Variants in ADGRL2 observed in about 807,000 individuals in gnomAD.
The protein encoded by ADGRL2 is calcium-independent alpha-latrotoxin receptor 2.
In ADGRL2, 44 loss-of-function variants were observed where a neutral mutation model predicts 157.4. The observed-to-expected ratio is 0.28, with a 90% CI of 0.22 to 0.36. ADGRL2 has a LOEUF of 0.36. Ranked by LOEUF, ADGRL2 falls within the 10% of genes least tolerant of loss-of-function variation. The pLI is 1.00. For missense variants in ADGRL2, 1,510 were observed against 1,768.9 expected, an observed-to-expected ratio of 0.85 and a Z score of 2.63; for synonymous variants, 585 against 624.7, an observed-to-expected ratio of 0.94 and a Z score of 0.95.
chr1:81,721,832 G>A, intron 1 of ADGRL2: 1 of 937,884 alleles, frequency 1.1e-6, no homozygotes, highest in Admixed American at 1.7e-5. Context: ...TACTCAGAAA[G>A]CTAAATCTGA....
Position 81,397,313 on chromosome 1 carries a change from C to CTTTTTTTTT in ADGRL2, c.-301-47706_-301-47698dup, listed in dbSNP as rs59449077. 7.8e-4 allele frequency among the ~76,000 whole-genome samples: 42 copies of CTTTTTTTTT among 53,644 alleles called. 2 individuals carry two copies. The highest frequency in any genetic ancestry group is 6.5e-3 in the East Asian group (10 of 1,542). 35.2% of individuals were successfully genotyped at this position (53,644 alleles called of 152,430 possible). A position where few individuals can be genotyped will look rare whatever the true frequency, so the allele number is the denominator to read the frequency against. ...TCTGTGGTATTAGTTATAATGTCTC[C>CTTTTTTTTT]TTTTTTTTTTTTTTTTTTTTTTTTT... is the stretch of plus-strand genomic sequence containing the variant. On this transcript the variant is annotated intron_variant, in intron 1 of 24. Coordinates refer to the ADGRL2 transcript ENST00000370721.
chr1:81,497,329 A>G (rs1557735519), intron 2 of ADGRL2, among the ~76,000 whole-genome samples: 1 of 152,188 alleles, frequency 6.6e-6, no homozygotes. Context: ...TATATTTAAG[A>G]AACTTTTCAA....
chr1:81,662,115 A>G (rs2082663725), intron 3 of ADGRL2, among the ~76,000 whole-genome samples: 1 of 152,144 alleles, frequency 6.6e-6, no homozygotes, highest in Non-Finnish European at 1.5e-5. Context: ...AGAATGGGGT[A>G]TCCATCCCCT....
chr1:81,868,592 A>T lies in ADGRL2; in HGVS notation c.73+31535A>T, dbSNP rs187603139. On this transcript the variant is annotated intron_variant, in intron 2 of 23. Coordinates refer to ENST00000686636, the MANE Select transcript of ADGRL2 (RefSeq NM_001366006.2). ...TACATCTATAGTTTCTTTGCCTAGG[A>T]TCGTTGTCTCCTCCTCTTCTTATGA... Among the ~76,000 whole-genome samples the T allele has an allele frequency of 1.2e-4, 19 of 152,148 alleles. 1 individual carries two copies. Among genetic ancestry groups the T allele is most frequent in the Admixed American group, 1.0e-3 (16 of 15,266 alleles).
chr1:81,494,117 T>G (rs940168053), intron 2 of ADGRL2, among the ~76,000 whole-genome samples: 3 of 152,184 alleles, frequency 2.0e-5, no homozygotes, highest in African/African-American at 7.2e-5. Flanking sequence ...GCACCAAGTT[T>G]TGCAAACTCT....
At chr1:81,839,376 T>C (rs2092441515) in intron 2 of ADGRL2, among the ~76,000 whole-genome samples, 1 of 152,048 alleles carries the variant, frequency 6.6e-6, no homozygotes, top group Admixed American at 6.6e-5. Context: ...GTTCTTTTTT[T>C]GTTTATTTTA....
At chr1:81,569,704 G>A (rs1402383904) in intron 2 of ADGRL2, among the ~76,000 whole-genome samples, 1 of 152,160 alleles carries the variant, frequency 6.6e-6, no homozygotes, top group Non-Finnish European at 1.5e-5. Flanking sequence ...CAACTACTGG[G>A]GAGGCAGAGG....
At chr1:81,846,916 T>G (rs937236399) in intron 2 of ADGRL2, among the ~76,000 whole-genome samples, 1 of 151,882 alleles carries the variant, frequency 6.6e-6, no homozygotes, top group Admixed American at 6.6e-5. Context: ...TTTAAAAAGT[T>G]GGTAAGTAAA....
intron 1 of ADGRL2, among the ~76,000 whole-genome samples, chr1:81,738,252 C>T (rs2084965940): frequency 6.6e-6 from 1 of 152,104 alleles, no homozygotes; most frequent in Admixed American, 6.5e-5. Context: ...TCTTGGGGTC[C>T]TAATTCTCAT....
chr1:81,827,011 A>G (rs899841399), intron 1 of ADGRL2, among the ~76,000 whole-genome samples: 1 of 147,984 alleles, frequency 6.8e-6, no homozygotes. Flanking sequence ...TTTAAGGAAC[A>G]GTAGACTTAT....
At position 81,772,699 on chromosome 1, in the gene ADGRL2, A is replaced by G. The variant is rs537621541; in HGVS notation, c.-101+10847A>G. 5.3e-5 allele frequency among the ~76,000 whole-genome samples: 8 copies of G among 152,264 alleles called. No individual in the cohort carries two copies. The South Asian group carries it at 1.7e-3, about 32-fold the overall frequency. ...AGCCGAGACTGCGCTACTGCATTCT[A>G]GCCCAGGAGACAGAGCGAGACTCCA... On this transcript the variant is annotated intron_variant, in intron 2 of 20. Transcript: ENST00000359929.
chr1:81,383,678 G>A (rs1476684256), intron 1 of ADGRL2, among the ~76,000 whole-genome samples: 10 of 135,780 alleles, frequency 7.4e-5, no homozygotes, highest in African/African-American at 2.7e-4. Flanking sequence ...AAAAAAAAAA[G>A]AAGGCCGGGT....
intron 1 of ADGRL2, among the ~76,000 whole-genome samples, chr1:81,353,569 T>A (rs1041751034): frequency 1.3e-5 from 2 of 152,008 alleles, no homozygotes; most frequent in Non-Finnish European, 2.9e-5. Flanking sequence ...GGAAAATAGA[T>A]TGAAAGACAA....
intron 6 of ADGRL2, among the ~76,000 whole-genome samples, chr1:81,945,200 C>T (rs1469837007): frequency 6.6e-6 from 1 of 151,982 alleles, no homozygotes; most frequent in Non-Finnish European, 1.5e-5. Flanking sequence ...TGGTTTGTTT[C>T]ATCTATTTCA....
chr1:81,655,117 A>G (rs1324268733), intron 3 of ADGRL2, among the ~76,000 whole-genome samples: 1 of 152,058 alleles, frequency 6.6e-6, no homozygotes, highest in African/African-American at 2.4e-5. Context: ...TCTGGCCTCA[A>G]CCTTCCAAGT....
chr1:81,492,344 A>T (rs1179484201), intron 2 of ADGRL2, among the ~76,000 whole-genome samples: 1 of 152,236 alleles, frequency 6.6e-6, no homozygotes, highest in Non-Finnish European at 1.5e-5. Context: ...ATAACCAATG[A>T]AGTGAAAAAC....
chr1:81,619,067 C>A (rs2081729695), intron 3 of ADGRL2, among the ~76,000 whole-genome samples: 1 of 152,170 alleles, frequency 6.6e-6, no homozygotes, highest in Admixed American at 6.5e-5. Flanking sequence ...TACTGATAAT[C>A]CAGAGTTCCA....
At chr1:81,603,009 A>T (rs958580773) in intron 3 of ADGRL2, among the ~76,000 whole-genome samples, 3 of 152,130 alleles carry the variant, frequency 2.0e-5, no homozygotes, top group African/African-American at 7.2e-5. Flanking sequence ...TTAGCACGTG[A>T]TGGTAGAAGG....
At chr1:81,345,978 T>C (rs55851120) in intron 1 of ADGRL2, among the ~76,000 whole-genome samples, 5,328 of 152,290 alleles carry the variant, frequency 0.035, 107 homozygotes, top group African/African-American at 0.059. Flanking sequence ...ATTTCTAGCC[T>C]CTATTGTCTC....
Sources: gnomAD v4.1 joint callset for allele counts (sites outside exome capture counted in the v4.1 genomes callset) on GRCh38, gnomAD v4.1.1 for gene constraint, MANE v1.5 for transcripts, NCBI Gene and HGNC (gene_info 2026-07-23, HGNC 2026-07-21) for gene names.